Variants in PTBP3 observed in about 807,000 individuals in gnomAD.
PTBP3 encodes polypyrimidine tract binding protein 3, also known as polypyrimidine tract-binding protein 3.
In PTBP3, 20 loss-of-function variants were observed where a neutral mutation model predicts 58.7. That is an observed-to-expected ratio of 0.34 (90% CI 0.24 to 0.50). The LOEUF is 0.50. Among genes scored for constraint, PTBP3 ranks in the 20% least tolerant of loss-of-function variants. The pLI, the probability that PTBP3 is intolerant of heterozygous loss-of-function variation, is 0.98. For missense variants in PTBP3, 509 were observed against 637.2 expected, an observed-to-expected ratio of 0.80 and a Z score of 2.17; for synonymous variants, 185 against 219.8, an observed-to-expected ratio of 0.84 and a Z score of 1.40.
At chr9:112,309,198 AC>A (rs1300263983) in intron 1 of PTBP3, among the ~76,000 whole-genome samples, 1 of 151,984 alleles carries the variant, frequency 6.6e-6, no homozygotes, top group Non-Finnish European at 1.5e-5. Context: ...AGAATCCTAG[AC>A]CTTTTTTTTT....
chr9:112,267,240 A>C (rs978915187), intron 4 of PTBP3, among the ~76,000 whole-genome samples: 1 of 147,916 alleles, frequency 6.8e-6, no homozygotes, highest in African/African-American at 2.5e-5. Flanking sequence ...GTCTCGGCTC[A>C]CCGCAAGCTC....
At chr9:112,236,424 C>CA (rs1386426551) in intron 7 of PTBP3, among the ~76,000 whole-genome samples, 2 of 151,992 alleles carry the variant, frequency 1.3e-5, no homozygotes, top group Non-Finnish European at 2.9e-5. Context: ...CAAGCAAGCT[C>CA]AAGATCATAG....
chr9:112,277,381 TCAA>T, intron 2 of PTBP3, among the ~76,000 whole-genome samples: 1 of 152,184 alleles, frequency 6.6e-6, no homozygotes, highest in East Asian at 1.9e-4. Flanking sequence ...CTCTCCCTTA[TCAA>T]TCACCAAGAA....
intron 1 of PTBP3, among the ~76,000 whole-genome samples, chr9:112,325,800 G>A (rs1252677498): frequency 6.6e-6 from 1 of 152,132 alleles, no homozygotes. Context: ...GAGGCAAGCA[G>A]ATGGCTTGAG....
chr9:112,223,153 A>G lies in PTBP3; in HGVS notation c.*698T>C. 1 of 899,008 alleles carries G rather than the reference A, an allele frequency of 1.1e-6. No individual in the cohort carries two copies. The highest frequency in any genetic ancestry group is 1.3e-6 in the Non-Finnish European group (1 of 751,030). The allele number at this position is 899,008 out of a possible 1,614,324, so 55.7% of individuals were successfully genotyped here. Reference sequence around the variant, plus strand: ...TATTAACAGATCTTAGTTGAATTCCACTTAATTTCCCTGGGGACAGCTGAG... The same window carrying G: ...TATTAACAGATCTTAGTTGAATTCCGCTTAATTTCCCTGGGGACAGCTGAG... On this transcript the variant is annotated 3_prime_UTR_variant, in exon 14 of 14. Transcript: ENST00000374257.
At chr9:112,356,872 C>T in the PTBP3 span, among the ~76,000 whole-genome samples, 255 of 51,158 alleles carry the variant, frequency 5.0e-3, 2 homozygotes, top group South Asian at 8.0e-3. Flanking sequence ...ATTCATTTCC[C>T]TCTTTTTTTT....
chr9:112,254,576 C>T (rs779347529), intron 5 of PTBP3, among the ~76,000 whole-genome samples: 2 of 152,080 alleles, frequency 1.3e-5, no homozygotes, highest in Non-Finnish European at 2.9e-5. Flanking sequence ...GGACTTCAAT[C>T]GACATTTCTC....
Position 112,223,846 on chromosome 9 carries a change from A to G in PTBP3, c.*5T>C, listed in dbSNP as rs1834884731. 2 of 1,613,532 alleles carry G rather than the reference A, an allele frequency of 1.2e-6. No homozygotes were observed. Among genetic ancestry groups the G allele is most frequent in the South Asian group, 1.1e-5 (1 of 91,058 alleles). On this transcript the variant is annotated 3_prime_UTR_variant, in exon 14 of 14. Transcript: ENST00000374257. Reference sequence around the variant, plus strand: ...CCAGTTTTAGGAGAAAAATTCACAGAAAAGTCAGATTGTAGATTTTGAGAA... The same window carrying G: ...CCAGTTTTAGGAGAAAAATTCACAGGAAAGTCAGATTGTAGATTTTGAGAA...
rs148921192 is a variant in PTBP3 at position 112,265,715 on chromosome 9, A to T, written c.351+2334T>A. Among the ~76,000 whole-genome samples, 56 of 152,304 alleles carry T rather than the reference A, an allele frequency of 3.7e-4. No homozygotes were observed. The East Asian group carries it at 0.01, about 27-fold the overall frequency. On this transcript the variant is annotated intron_variant, in intron 4 of 13. Coordinates refer to ENST00000374257, the MANE Select transcript of PTBP3 (RefSeq NM_001163788.4). ...ATAAGCATGTTAGACGAGACTGTGC[A>T]TGAGTGTGTGTACATATGATCAGCA... is the stretch of plus-strand genomic sequence containing the variant.
chr9:112,256,543 C>CT (rs1836373592), intron 5 of PTBP3, among the ~76,000 whole-genome samples: 1 of 150,534 alleles, frequency 6.6e-6, no homozygotes, highest in Non-Finnish European at 1.5e-5. Context: ...TTTTTTTTTC[C>CT]TTTTTAAGAG....
chr9:112,277,887 A>G (rs748279433), intron 2 of PTBP3, among the ~76,000 whole-genome samples: 21 of 27,356 alleles, frequency 7.7e-4, no homozygotes, highest in Admixed American at 2.6e-3. Context: ...ATAACGTAAC[A>G]TAACATAACA....
chr9:112,267,913 A>G lies in PTBP3; in HGVS notation c.351+136T>C, dbSNP rs757328909. Reference sequence around the variant, plus strand: ...TTATTCTTAAGAATTGGGGGGAAGAATTTACATATACAATTATGACTAGTA... The same window carrying G: ...TTATTCTTAAGAATTGGGGGGAAGAGTTTACATATACAATTATGACTAGTA... On this transcript the variant is annotated intron_variant, in intron 4 of 13. Transcript: ENST00000374257. 1.1e-5 allele frequency: 8 copies of G among 748,916 alleles called. 1 individual carries two copies. Among genetic ancestry groups the G allele is most frequent in the Middle Eastern group, 4.2e-4 (1 of 2,360 alleles). The allele number at this position is 748,916 out of a possible 1,614,324, so 46.4% of individuals were successfully genotyped here.
chr9:112,376,156 G>GAGATATATATATATATAT, the PTBP3 span, among the ~76,000 whole-genome samples: 2 of 116,798 alleles, frequency 1.7e-5, no homozygotes, highest in Non-Finnish European at 3.3e-5. Context: ...TTCTCTAGAG[G>GAGATATATATATATATAT]ATATATATAT....
chr9:112,375,949 A>C, the PTBP3 span, among the ~76,000 whole-genome samples: 1 of 152,048 alleles, frequency 6.6e-6, no homozygotes, highest in Non-Finnish European at 1.5e-5. Context: ...AGAGGCCTCC[A>C]CTGTGATTCA....
At chr9:112,271,483 G>T (rs1827384029) in intron 3 of PTBP3, among the ~76,000 whole-genome samples, 1 of 152,194 alleles carries the variant, frequency 6.6e-6, no homozygotes, top group Non-Finnish European at 1.5e-5. Flanking sequence ...TACTTTGGGA[G>T]GCTGCAACGG....
intron 12 of PTBP3, among the ~76,000 whole-genome samples, chr9:112,225,287 T>C (rs1589792176): frequency 6.6e-6 from 1 of 151,532 alleles, no homozygotes; most frequent in East Asian, 1.9e-4. Flanking sequence ...TCACTTTGAG[T>C]AAATTTTTTA....
intron 1 of PTBP3, among the ~76,000 whole-genome samples, chr9:112,311,892 T>C (rs1829495203): frequency 6.6e-6 from 1 of 152,124 alleles, no homozygotes; most frequent in African/African-American, 2.4e-5. Flanking sequence ...GAGGCTGCAG[T>C]GCTCTAGGAT....
intron 7 of PTBP3, among the ~76,000 whole-genome samples, chr9:112,245,022 A>G (rs1420940299): frequency 5.3e-5 from 8 of 152,142 alleles, no homozygotes; most frequent in Admixed American, 3.3e-4. Flanking sequence ...GTAAGTACTA[A>G]GCTCAGCCGG....
At chr9:112,289,361 G>C (rs1346212369) in intron 2 of PTBP3, among the ~76,000 whole-genome samples, 2 of 151,864 alleles carry the variant, frequency 1.3e-5, no homozygotes, top group African/African-American at 4.8e-5. Context: ...ATTTAATACT[G>C]AGTTCTTTAA....
Sources: allele counts gnomAD v4.1 joint callset (sites outside exome capture counted in the v4.1 genomes callset), GRCh38; gene constraint gnomAD v4.1.1; transcripts MANE v1.5; gene names NCBI Gene and HGNC (gene_info 2026-07-23, HGNC 2026-07-21).